Variants in WNK3 observed in about 807,000 individuals in gnomAD.
WNK3 encodes WNK lysine deficient protein kinase 3.
Under a neutral mutation model 116.7 loss-of-function variants are expected in WNK3, and 18 were observed. The ratio of observed to expected loss-of-function variants is 0.15; its 90% CI spans 0.11 to 0.23. WNK3 has a LOEUF of 0.23. Among genes scored for constraint, WNK3 ranks in the 10% least tolerant of loss-of-function variants. The pLI, the probability that WNK3 is intolerant of heterozygous loss-of-function variation, is 1.00. For missense variants in WNK3, 993 were observed against 1,323.8 expected (o/e 0.75, Z 3.88); for synonymous variants, 404 against 469.4 (o/e 0.86, Z 1.80).
chrX:54,273,233 C>T (rs183636978), intron 10 of WNK3, among the ~76,000 whole-genome samples: 3 of 112,231 alleles, frequency 2.7e-5, no homozygotes, highest in Non-Finnish European at 5.6e-5. Flanking sequence ...ATGGTAACAA[C>T]GAACGTATAC....
chrX:54,197,429 C>T (rs149205327), exon 24 of WNK3: 55 of 111,788 alleles, frequency 4.9e-4, no homozygotes, highest in African/African-American at 1.7e-3. Flanking sequence ...CGGGAAATCA[C>T]ATTTAAAAAG....
chrX:54,255,973 T>C (rs1446537605), intron 11 of WNK3, 86 bp from the exon 12 acceptor site: 21 of 800,800 alleles, frequency 2.6e-5, no homozygotes, highest in Non-Finnish European at 3.5e-5. Context: ...CTATAAATAA[T>C]GAATTTAAGA....
rs186054408 is a variant in WNK3 at position 54,210,260 on chromosome X, T to C, written c.4871-8067A>G. On this transcript the variant is annotated intron_variant, in intron 22 of 23. Transcript: ENST00000354646. ...TTGTGAACTTGGCCTCCATGAGTTA[T>C]AAAAAGAAAAAGAAAATGAAGATAA... is the stretch of plus-strand genomic sequence containing the variant. Among the ~76,000 whole-genome samples the C allele has an allele frequency of 1.6e-3, 177 of 111,858 alleles. 1 individual carries two copies. The highest frequency in any genetic ancestry group is 5.6e-3 in the African/African-American group (173 of 30,882).
At chrX:54,327,571 T>C (rs781864761) in intron 2 of WNK3, among the ~76,000 whole-genome samples, 1 of 111,479 alleles carries the variant, frequency 9.0e-6, no homozygotes, top group Non-Finnish European at 1.9e-5. Flanking sequence ...AAAAGAAAAG[T>C]ACCAGGTACA....
rs781887611 is a variant in WNK3, at chrX:54,326,093, A to AT, written c.537+7043dup. 3.5e-3 allele frequency among the ~76,000 whole-genome samples: 356 copies of AT among 100,699 alleles called. 1 individual carries two copies. Among genetic ancestry groups the AT allele is most frequent in the Admixed American group, 5.8e-3 (53 of 9,140 alleles). 87.4% of individuals were successfully genotyped at this position (100,699 alleles called of 115,157 possible). On this transcript the variant is annotated intron_variant, in intron 2 of 23. Transcript: ENST00000354646. ...CCATTAATTTTTGTTTGTTTGTTTG[A>AT]TTTTTTTTTTTTTTTGAGATGAAGT...
At position 54,297,941 on chromosome X, in the gene WNK3, C is replaced by T. The variant is rs182304468; in HGVS notation, c.1398+234G>A. On this transcript the variant is annotated intron_variant, in intron 7 of 23. Transcript: ENST00000354646. ...ACAAAAAATTAGCCGGGCGTGGTGG[C>T]GGGCTCCTGTAGTCCCAGCTACTCA... Among the ~76,000 whole-genome samples the T allele has an allele frequency of 7.5e-3, 828 of 110,047 alleles. 8 individuals are homozygous for T. The highest frequency in any genetic ancestry group is 0.026 in the African/African-American group (791 of 30,217).
At chrX:54,202,186 C>T in exon 23 of WNK3, 1 of 1,197,095 alleles carries the variant, frequency 8.4e-7, no homozygotes, top group Non-Finnish European at 1.1e-6. Flanking sequence ...TCTCCACACA[C>T]AGTGGATCTA....
chrX:54,356,386 C>T (rs191334872), intron 1 of WNK3, among the ~76,000 whole-genome samples: 68 of 111,600 alleles, frequency 6.1e-4, no homozygotes, highest in African/African-American at 2.1e-3. Flanking sequence ...TCTTGGCTAG[C>T]TGCAACCTCT....
At chrX:54,195,419 G>C (rs892092293) in exon 24 of WNK3, 10 of 111,442 alleles carry the variant, frequency 9.0e-5, no homozygotes, top group Non-Finnish European at 1.7e-4. Flanking sequence ...TTTACCTCAA[G>C]TTAATTATTT....
chrX:54,232,697 A>T, intron 21 of WNK3, 112 bp downstream of exon 21: 1 of 638,837 alleles, frequency 1.6e-6, no homozygotes, highest in Non-Finnish European at 2.3e-6. Context: ...AATAATGTGT[A>T]CTTCTTTAAA....
At chrX:54,314,029 T>TA (rs1569538719) in intron 2 of WNK3, among the ~76,000 whole-genome samples, 1 of 107,991 alleles carries the variant, frequency 9.3e-6, no homozygotes, top group Non-Finnish European at 1.9e-5. Flanking sequence ...CTGTCTCTAA[T>TA]AAAAACACAA....
At chrX:54,249,765 G>T in intron 16 of WNK3, 131 bp from the exon 17 acceptor site, 2 of 736,482 alleles carry the variant, frequency 2.7e-6, no homozygotes, top group Non-Finnish European at 3.9e-6. Flanking sequence ...TCGTAAATAA[G>T]ACTCAAAACA....
At position 54,300,231 on chromosome X, in the gene WNK3, T is replaced by C. The variant is rs538999853; in HGVS notation, c.1178+1540A>G. On this transcript the variant is annotated intron_variant, in intron 6 of 23. Transcript: ENST00000354646. ...ACAGTGACATGATCATAGCTCATTGTAGCTTCCAACTCCTGGGCTCAAGCA... is the reference window on the plus strand; with the variant it reads ...ACAGTGACATGATCATAGCTCATTGCAGCTTCCAACTCCTGGGCTCAAGCA... Among the ~76,000 whole-genome samples the C allele has an allele frequency of 2.7e-5, 3 of 111,301 alleles. No homozygotes were observed. The South Asian group carries it at 1.2e-3, about 43-fold the overall frequency.
At chrX:54,238,462 T>G (rs782428652) in exon 19 of WNK3, 1 of 1,205,006 alleles carries the variant, frequency 8.3e-7, no homozygotes. Flanking sequence ...ATCTCATCTC[T>G]TCTGTTTCCA....
intron 2 of WNK3, among the ~76,000 whole-genome samples, chrX:54,315,140 A>T (rs893811936): frequency 9.2e-6 from 1 of 108,244 alleles, no homozygotes; most frequent in African/African-American, 3.4e-5. Flanking sequence ...TACTAAAAAT[A>T]AAAAAAATCA....
chrX:54,264,928 G>T (rs73495059), intron 10 of WNK3, among the ~76,000 whole-genome samples: 1 of 109,668 alleles, frequency 9.1e-6, no homozygotes, highest in East Asian at 2.9e-4. Context: ...GAGCCATTTC[G>T]CAGTCTGGAA....
At chrX:54,221,823 G>T (rs1215970821) in intron 22 of WNK3, among the ~76,000 whole-genome samples, 1 of 107,829 alleles carries the variant, frequency 9.3e-6, no homozygotes, top group East Asian at 3.0e-4. Context: ...AACAGAGCAA[G>T]ACCCCATCTT....
Position 54,294,541 on chromosome X carries a change from T to C in WNK3, c.1693+12A>G, listed in dbSNP as rs1341736971. The C allele has an allele frequency of 1.8e-6, 2 of 1,137,450 alleles. No homozygotes were observed. The highest frequency in any genetic ancestry group is 3.6e-5 in the African/African-American group (2 of 55,243). 93.7% of individuals were successfully genotyped at this position (1,137,450 alleles called of 1,213,427 possible). ...CACATGCGTTTGCTTTTACAAGCTG[T>C]AACTGTGTTACCTGTAACAGAGGAG... On this transcript the variant is annotated intron_variant, in intron 8 of 23. Coordinates refer to ENST00000354646, the Ensembl canonical transcript of WNK3.
intron 10 of WNK3, among the ~76,000 whole-genome samples, chrX:54,282,118 C>T (rs2068523612): frequency 9.1e-6 from 1 of 109,633 alleles, no homozygotes; most frequent in African/African-American, 3.3e-5. Flanking sequence ...CAGCTCACTG[C>T]AGCCTTGACC....
Sources: gnomAD v4.1 joint callset for allele counts (sites outside exome capture counted in the v4.1 genomes callset) on GRCh38, gnomAD v4.1.1 for gene constraint, MANE v1.5 for transcripts, NCBI Gene and HGNC (gene_info 2026-07-23, HGNC 2026-07-21) for gene names.